The following ADCY5 variants were observed in gnomAD, a reference collection of about 807,000 sequenced individuals.
The protein encoded by ADCY5 is adenylate cyclase type 5.
Under a neutral mutation model 119.7 loss-of-function variants are expected in ADCY5, and 30 were observed. The observed-to-expected ratio is 0.25, with a 90% CI of 0.19 to 0.34. The LOEUF is 0.34. Ranked by LOEUF, ADCY5 falls within the 10% of genes least tolerant of loss-of-function variation. The pLI is 1.00. For missense variants in ADCY5, 1,324 were observed against 1,775.2 expected, an observed-to-expected ratio of 0.75 and a Z score of 4.57; for synonymous variants, 753 against 762.2, an observed-to-expected ratio of 0.99 and a Z score of 0.20.
chr3:123,441,064 C>G (rs1414269482), intron 1 of ADCY5, among the ~76,000 whole-genome samples: 3 of 152,192 alleles, frequency 2.0e-5, no homozygotes, highest in African/African-American at 7.2e-5. Flanking sequence ...GGAGGTCTTG[C>G]CACTGTTGCA....
intron 15 of ADCY5, among the ~76,000 whole-genome samples, chr3:123,299,572 C>T (rs1939712582): frequency 6.6e-6 from 1 of 152,208 alleles, no homozygotes; most frequent in Admixed American, 6.5e-5. Flanking sequence ...CCATAGGCCC[C>T]ACCTTCACAC....
intron 1 of ADCY5, among the ~76,000 whole-genome samples, chr3:123,426,472 C>A (rs986959892): frequency 6.6e-6 from 1 of 151,754 alleles, no homozygotes; most frequent in African/African-American, 2.4e-5. Context: ...TACAGGCGTG[C>A]GCCACCAAGC....
chr3:123,301,146 G>A (rs1237379858), intron 14 of ADCY5, among the ~76,000 whole-genome samples: 1 of 141,946 alleles, frequency 7.0e-6, no homozygotes, highest in African/African-American at 3.1e-5. Flanking sequence ...TGCAGATGAC[G>A]TCCCTAGGCA....
chr3:123,440,123 C>T (rs1945698694), intron 1 of ADCY5, among the ~76,000 whole-genome samples: 1 of 152,216 alleles, frequency 6.6e-6, no homozygotes, highest in African/African-American at 2.4e-5. Flanking sequence ...ACCACCCATT[C>T]ATTCATTTGC....
In ADCY5 at chr3:123,327,726, G is replaced by A. The variant is rs75364088; in HGVS notation, c.1839C>T (p.Tyr613=). The A allele has an allele frequency of 9.1e-3, 14,622 of 1,614,040 alleles. 466 individuals are homozygous for A. Among genetic ancestry groups the A allele is most frequent in the South Asian group, 0.073 (6,657 of 91,046 alleles). ...GCTCCACCTCGTAGTCCCCATTCAG[G>A]TAGTTGAGTGTAGCCTTGGTGATGT... ...RIHITKATLN[Y]LNGDYEVEPG... Residue 613 remains tyrosine (Y), a synonymous_variant, in exon 7 of 21, where the codon TAC becomes TAT. Coordinates refer to ENST00000462833, the MANE Select transcript of ADCY5 (RefSeq NM_183357.3).
At chr3:123,421,187 C>T (rs1305128223) in intron 1 of ADCY5, among the ~76,000 whole-genome samples, 1 of 152,162 alleles carries the variant, frequency 6.6e-6, no homozygotes, top group African/African-American at 2.4e-5. Flanking sequence ...ACTCCAGGTG[C>T]TTATTGTTCT....
In ADCY5 at chr3:123,282,717, G is replaced by A. The variant is rs1938452510; in HGVS notation, c.*1891C>T. The stretch of plus-strand genomic sequence containing the variant: ...GCACGGGACAGACTCAGGCTTGGCA[G>A]TTTTGGGTCCACACACTTTGCTTCT... On this transcript the variant is annotated 3_prime_UTR_variant, in exon 21 of 21. Transcript: ENST00000462833. 1 of 152,392 alleles carries A rather than the reference G, an allele frequency of 6.6e-6. No individual in the cohort carries two copies. Among genetic ancestry groups the A allele is most frequent in the Non-Finnish European group, 1.5e-5 (1 of 68,118 alleles). 9.4% of individuals were successfully genotyped at this position (152,392 alleles called of 1,614,324 possible). A position where few individuals can be genotyped will look rare whatever the true frequency, so the allele number is the denominator to read the frequency against.
At position 123,320,740 on chromosome 3, in the gene ADCY5, A is replaced by G; in HGVS notation, c.2111+9T>C. On this transcript the variant is annotated intron_variant, in intron 9 of 20. Coordinates refer to ENST00000462833, the MANE Select transcript of ADCY5 (RefSeq NM_183357.3). ...AGGGAGCAGGAATAAGGAAGGGCAT[A>G]TTACTCACTTGTCCTTGGGGTCTTC... 6.2e-7 allele frequency: 1 copy of G among 1,612,236 alleles called. No individual in the cohort carries two copies. Among genetic ancestry groups the G allele is most frequent in the Non-Finnish European group, 8.5e-7 (1 of 1,178,268 alleles).
intron 1 of ADCY5, among the ~76,000 whole-genome samples, chr3:123,408,259 C>T (rs9840967): frequency 0.29 from 43,320 of 151,680 alleles, 6,310 homozygotes; most frequent in East Asian, 0.44. Context: ...TTATGAGAAT[C>T]GAGTGAGATA....
At chr3:123,314,396 GC>G in intron 11 of ADCY5, 74 bp from the exon 12 acceptor site, 1 of 1,220,344 alleles carries the variant, frequency 8.2e-7, no homozygotes, top group Non-Finnish European at 1.2e-6. Context: ...GACCTGCCTG[GC>G]AAGCAGGCCA....
intron 1 of ADCY5, among the ~76,000 whole-genome samples, chr3:123,407,954 G>T (rs1414566663): frequency 6.6e-6 from 1 of 151,776 alleles, no homozygotes; most frequent in African/African-American, 2.4e-5. Context: ...TTTCTTTGGG[G>T]CTGACAAAAA....
rs4327330 is a variant in ADCY5 at position 123,318,200 on chromosome 3, A to C, written c.2257-83T>G. 1,073,742 of 1,074,562 alleles carry C rather than the reference A, an allele frequency of 1. 536,470 individuals are homozygous for C. The highest frequency in any genetic ancestry group is 1 in the Middle Eastern group (3,412 of 3,412). The allele number at this position is 1,074,562 out of a possible 1,614,324, so 66.6% of individuals were successfully genotyped here. On this transcript the variant is annotated intron_variant, in intron 10 of 20. Transcript: ENST00000462833. ...CCCTGTCAATCCCACACACCCAGGG[A>C]AGCCACTCATGGCTGGTCACCTGTG... is the stretch of plus-strand genomic sequence containing the variant.
At chr3:123,326,353 G>A (rs1941483294) in intron 7 of ADCY5, among the ~76,000 whole-genome samples, 1 of 152,184 alleles carries the variant, frequency 6.6e-6, no homozygotes, top group South Asian at 2.1e-4. Flanking sequence ...GAGACCTGAG[G>A]CAACCCTCCC....
At chr3:123,336,329 A>G (rs2097400870) in intron 3 of ADCY5, among the ~76,000 whole-genome samples, 2 of 152,206 alleles carry the variant, frequency 1.3e-5, no homozygotes, top group Admixed American at 1.3e-4. Flanking sequence ...ATTCTTCTTC[A>G]TCTCTCAGGA....
rs915655404 is a variant in ADCY5 at position 123,396,573 on chromosome 3, AAAAAG to A, written c.1135-43997_1135-43993del. On this transcript the variant is annotated intron_variant, in intron 1 of 20. Coordinates refer to ENST00000462833, the MANE Select transcript of ADCY5 (RefSeq NM_183357.3). Reference sequence around the variant, plus strand: ...GAAAGAAAAAGAGAAAGAAAGGAAGAAAAAGAAAAGAAAAGAGAAGAAAAAAGAGA... The same window carrying A: ...GAAAGAAAAAGAGAAAGAAAGGAAGAAAAAGAAAAGAGAAGAAAAAAGAGA... Among the ~76,000 whole-genome samples the A allele has an allele frequency of 3.4e-3, 493 of 146,470 alleles. 1 individual carries two copies. The highest frequency in any genetic ancestry group is 6.1e-3 in the Non-Finnish European group (403 of 66,534).
intron 1 of ADCY5, among the ~76,000 whole-genome samples, chr3:123,399,785 T>C (rs1944703869): frequency 6.6e-6 from 1 of 152,190 alleles, no homozygotes; most frequent in African/African-American, 2.4e-5. Flanking sequence ...GGAATAACCA[T>C]AATCATAACA....
intron 18 of ADCY5, 30 bp from the exon 19 acceptor site, chr3:123,289,984 C>A (rs1042689970): frequency 3.7e-6 from 6 of 1,610,682 alleles, no homozygotes; most frequent in Admixed American, 1.7e-5. Flanking sequence ...CCTGGGTCAC[C>A]CCAAGCCTGG....
chr3:123,284,548 A>G lies in ADCY5; in HGVS notation c.*60T>C, dbSNP rs1020698085. 4 of 1,604,494 alleles carry G rather than the reference A, an allele frequency of 2.5e-6. No individual in the cohort carries two copies. The African/African-American group carries it at 4.0e-5, about 16-fold the overall frequency. ...GGCTTCCCCGCCACCCCCGGCACAC[A>G]GAGAAGCTGCTTCCATGCCTCTGGA... On this transcript the variant is annotated 3_prime_UTR_variant, in exon 21 of 21. Transcript: ENST00000462833.
intron 7 of ADCY5, among the ~76,000 whole-genome samples, chr3:123,326,753 T>C (rs898285843): frequency 2.0e-5 from 3 of 152,228 alleles, no homozygotes; most frequent in Non-Finnish European, 4.4e-5. Flanking sequence ...AGCCAGGATC[T>C]GTCCCCTGGG....
Sources: gnomAD v4.1 joint callset for allele counts (sites outside exome capture counted in the v4.1 genomes callset) on GRCh38, gnomAD v4.1.1 for gene constraint, MANE v1.5 for transcripts, NCBI Gene and HGNC (gene_info 2026-07-23, HGNC 2026-07-21) for gene names.